STARD8: variants seen among roughly 807,000 people sequenced by gnomAD.
STARD8 encodes StAR related lipid transfer domain containing 8.
Under a neutral mutation model 69.4 loss-of-function variants are expected in STARD8, and 25 were observed. The observed-to-expected ratio is 0.36, with a 90% CI of 0.26 to 0.50. The LOEUF (loss-of-function observed/expected upper bound fraction) is 0.50. Among genes scored for constraint, STARD8 ranks in the 20% least tolerant of loss-of-function variants. STARD8 has a pLI of 0.96. For missense variants in STARD8, 921 were observed against 932.5 expected (o/e 0.99, Z 0.16); for synonymous variants, 389 against 374.6 (o/e 1.04, Z -0.45).
At chrX:68,690,839 C>T (rs764349090) in intron 2 of STARD8, among the ~76,000 whole-genome samples, 4 of 112,042 alleles carry the variant, frequency 3.6e-5, no homozygotes, top group African/African-American at 1.3e-4. Flanking sequence ...CCATATCTGA[C>T]GCTTATAAGC....
intron 2 of STARD8, among the ~76,000 whole-genome samples, chrX:68,681,435 T>A (rs1176336653): frequency 8.9e-6 from 1 of 112,475 alleles, no homozygotes; most frequent in African/African-American, 3.2e-5. Context: ...GTTACACAGC[T>A]ACTGAATGGC....
intron 2 of STARD8, among the ~76,000 whole-genome samples, chrX:68,684,089 C>T (rs749423590): frequency 8.9e-6 from 1 of 112,770 alleles, no homozygotes; most frequent in South Asian, 3.6e-4. Flanking sequence ...TCCACATCAG[C>T]TTTTATTAGA....
At chrX:68,705,426 C>A (rs758225155) in intron 2 of STARD8, among the ~76,000 whole-genome samples, 7 of 112,509 alleles carry the variant, frequency 6.2e-5, no homozygotes. Context: ...CACTGCTTCA[C>A]GGAGAGGAGC....
At chrX:68,647,957 C>T (rs539891390) in intron 1 of STARD8, 30 bp downstream of exon 1, 2 of 1,188,926 alleles carry the variant, frequency 1.7e-6, no homozygotes, top group East Asian at 6.2e-5. Flanking sequence ...CAGCCCATCC[C>T]GCTGCTCAGG....
At chrX:68,711,263 CGAGA>C (rs1342461488) in intron 2 of STARD8, among the ~76,000 whole-genome samples, 24 of 106,886 alleles carry the variant, frequency 2.2e-4, no homozygotes, top group Middle Eastern at 4.8e-3. Flanking sequence ...GAGAAAGAGA[CGAGA>C]GAGAGAGAGA....
intron 2 of STARD8, among the ~76,000 whole-genome samples, chrX:68,697,566 G>T (rs988634404): frequency 7.1e-5 from 8 of 112,586 alleles, no homozygotes; most frequent in Non-Finnish European, 1.5e-4. Flanking sequence ...CTCCACCTAG[G>T]CCCCTCCCCT....
chrX:68,717,490 C>A lies in STARD8; in HGVS notation c.576C>A (p.Gly192=), dbSNP rs368638006. The change falls in exon 6 of 15, where the codon GGC becomes GGA. Residue 192 remains glycine (G), a synonymous_variant. Coordinates refer to ENST00000374599, the MANE Select transcript of STARD8 (RefSeq NM_001142503.3). Reference sequence around the variant, plus strand: ...GGCCCCTCCTCAGCCCCACCCAGGGCCAGGAGGGTCCCCAGGACAAAGCCA... The same window carrying A: ...GGCCCCTCCTCAGCCCCACCCAGGGACAGGAGGGTCCCCAGGACAAAGCCA... ...SDRPLLSPTQ[G]QEGPQDKAKK... The A allele has an allele frequency of 3.4e-5, 41 of 1,208,621 alleles. No individual in the cohort carries two copies. The highest frequency in any genetic ancestry group is 4.6e-5 in the Non-Finnish European group (41 of 895,177).
At position 68,725,343 on chromosome X, in the gene STARD8, T is replaced by C. The variant is rs1000141396; in HGVS notation, c.*921T>C. 10 of 109,967 alleles carry C rather than the reference T, an allele frequency of 9.1e-5. No individual in the cohort carries two copies. The highest frequency in any genetic ancestry group is 3.3e-4 in the African/African-American group (10 of 30,104). 9.1% of individuals were successfully genotyped at this position (109,967 alleles called of 1,213,427 possible). A position where few individuals can be genotyped will look rare whatever the true frequency, so the allele number is the denominator to read the frequency against. ...AGACCTGGCCCCTGGGCCAGCCAGA[T>C]GGAAGGGCCTATCTTAGCCAGCTGG... On this transcript the variant is annotated 3_prime_UTR_variant, in exon 15 of 15. Transcript: ENST00000374599.
intron 2 of STARD8, among the ~76,000 whole-genome samples, chrX:68,677,283 C>T (rs747390705): frequency 1.1e-4 from 12 of 111,939 alleles, no homozygotes; most frequent in South Asian, 3.7e-4. Context: ...CAGTTGTCTG[C>T]TCTGTAAATG....
chrX:68,690,914 A>AT (rs2079872387), intron 2 of STARD8, among the ~76,000 whole-genome samples: 2 of 112,095 alleles, frequency 1.8e-5, no homozygotes, highest in South Asian at 7.4e-4. Flanking sequence ...CTCTGCAGCC[A>AT]TTGAAGGTCA....
At chrX:68,668,186 C>T (rs1479476196) in intron 2 of STARD8, among the ~76,000 whole-genome samples, 1 of 99,154 alleles carries the variant, frequency 1.0e-5, no homozygotes, top group African/African-American at 3.7e-5. Context: ...TCCTTCCTAC[C>T]TACCCTTCCT....
intron 1 of STARD8, among the ~76,000 whole-genome samples, chrX:68,653,310 A>C (rs2079582088): frequency 8.7e-5 from 2 of 23,095 alleles, no homozygotes; most frequent in African/African-American, 1.5e-4. Context: ...CACACACCAC[A>C]CCACACACCA....
At chrX:68,668,558 G>A (rs2079708451) in intron 2 of STARD8, among the ~76,000 whole-genome samples, 1 of 110,676 alleles carries the variant, frequency 9.0e-6, no homozygotes, top group Admixed American at 9.7e-5. Context: ...TTGTTCTAGT[G>A]GTCCCACTGA....
chrX:68,718,120 A>G lies in STARD8; in HGVS notation c.1206A>G (p.Val402=). 8.3e-7 allele frequency: 1 copy of G among 1,211,969 alleles called. No homozygotes were observed. The highest frequency in any genetic ancestry group is 3.0e-5 in the East Asian group (1 of 33,843). The change falls in exon 6 of 15, where the codon GTA becomes GTG. Residue 402 remains valine (V), a synonymous_variant. Transcript: ENST00000374599. ...ACGTGTGGGGGCTACAGCAACGAGT[A>G]GAGCTGTGGTCTCGGGCCATGTACC... The part of the protein sequence containing the change: ...LQHVWGLQQR[V]ELWSRAMYPD...
chrX:68,660,371 C>T (rs1204740013), intron 1 of STARD8, among the ~76,000 whole-genome samples: 1 of 111,726 alleles, frequency 9.0e-6, no homozygotes, highest in Non-Finnish European at 1.9e-5. Context: ...TCAGTCAGTC[C>T]TTCTTGAAAC....
chrX:68,653,105 A>C (rs917291130), intron 1 of STARD8, among the ~76,000 whole-genome samples: 1 of 8,625 alleles, frequency 1.2e-4, no homozygotes, highest in Admixed American at 1.8e-3. Flanking sequence ...CACACACCAC[A>C]CACACACACC....
rs953042755 is a variant in STARD8, at chrX:68,725,378, C to G, written c.*956C>G. 9.1e-6 allele frequency: 1 copy of G among 110,452 alleles called. No homozygotes were observed. The highest frequency in any genetic ancestry group is 1.9e-5 in the Non-Finnish European group (1 of 52,823). 9.1% of individuals were successfully genotyped at this position (110,452 alleles called of 1,213,427 possible). A position where few individuals can be genotyped will look rare whatever the true frequency, so the allele number is the denominator to read the frequency against. On this transcript the variant is annotated 3_prime_UTR_variant, in exon 15 of 15. Coordinates refer to ENST00000374599, the MANE Select transcript of STARD8 (RefSeq NM_001142503.3). ...TATCTTAGCCAGCTGGAGCTTAAGC[C>G]AAACCTGTTCTGTCCCACTGGCCAG...
intron 2 of STARD8, among the ~76,000 whole-genome samples, chrX:68,703,732 A>T (rs935418251): frequency 8.9e-6 from 1 of 111,975 alleles, no homozygotes; most frequent in Admixed American, 9.5e-5. Context: ...CAGGGTCAAA[A>T]CAGACAAGTG....
intron 2 of STARD8, among the ~76,000 whole-genome samples, chrX:68,678,072 C>T (rs1312379994): frequency 5.4e-5 from 6 of 110,626 alleles, no homozygotes. Context: ...CGGCTCTGAC[C>T]TCCAAGTAAA....
Sources: gnomAD v4.1 joint callset for allele counts (sites outside exome capture counted in the v4.1 genomes callset) on GRCh38, gnomAD v4.1.1 for gene constraint, MANE v1.5 for transcripts, NCBI Gene and HGNC (gene_info 2026-07-23, HGNC 2026-07-21) for gene names.